ENDOV: variants seen among roughly 807,000 people sequenced by gnomAD.
The protein encoded by ENDOV is endonuclease V.
Under a neutral mutation model 39.4 loss-of-function variants are expected in ENDOV, and 37 were observed. The ratio of observed to expected loss-of-function variants is 0.94; its 90% CI spans 0.72 to 1.23. The LOEUF (loss-of-function observed/expected upper bound fraction) is 1.23. Among genes scored for constraint, ENDOV ranks in the 50% most tolerant of loss-of-function variants. The probability of loss-of-function intolerance (pLI) is 0.00; values close to 1 mark genes in which losing one functional copy is unlikely to be tolerated. For missense variants in ENDOV, 441 were observed against 375.7 expected, an observed-to-expected ratio of 1.17 and a Z score of -1.44; for synonymous variants, 186 against 163.4, an observed-to-expected ratio of 1.14 and a Z score of -1.05.
At chr17:80,429,912 G>A (rs1308470324) in intron 9 of ENDOV, 81 bp downstream of exon 9, 2 of 1,609,248 alleles carry the variant, frequency 1.2e-6, no homozygotes, top group Admixed American at 1.7e-5. Flanking sequence ...GGCGGGCAAG[G>A]ACTGGCAGTA....
At chr17:80,424,601 G>T (rs2082457373) in intron 5 of ENDOV, among the ~76,000 whole-genome samples, 1 of 152,114 alleles carries the variant, frequency 6.6e-6, no homozygotes. Flanking sequence ...TGCCTGGGCT[G>T]TGGCTCACCT....
chr17:80,424,139 G>A (rs1379769531), intron 5 of ENDOV: 1 of 399,002 alleles, frequency 2.5e-6, no homozygotes, highest in Admixed American at 4.4e-5. Flanking sequence ...CACTGGGAGT[G>A]AGACACTCAC....
At chr17:80,424,898 T>C in intron 5 of ENDOV, 134 bp from the exon 6 acceptor site, 2 of 692,664 alleles carry the variant, frequency 2.9e-6, no homozygotes, top group Non-Finnish European at 4.9e-6. Flanking sequence ...GAGGTTGCAG[T>C]GAGCTGAGAT....
At chr17:80,429,749 TC>T in intron 8 of ENDOV, 23 bp from the exon 9 acceptor site, 3 of 1,589,956 alleles carry the variant, frequency 1.9e-6, no homozygotes, top group Non-Finnish European at 2.6e-6. Flanking sequence ...TCTGATGCTG[TC>T]CCTTTCTCAA....
intron 2 of ENDOV, among the ~76,000 whole-genome samples, chr17:80,421,518 C>T (rs988744494): frequency 1.9e-3 from 128 of 68,852 alleles, no homozygotes; most frequent in African/African-American, 7.0e-3. Context: ...GACCAGGTCC[C>T]GGTGGGGGCG....
intron 3 of ENDOV, 54 bp from the exon 4 acceptor site, chr17:80,422,152 C>A: frequency 1.9e-6 from 3 of 1,609,594 alleles, no homozygotes; most frequent in Non-Finnish European, 2.5e-6. Context: ...ATGGCCCTGT[C>A]CTGAGGGCCG....
chr17:80,436,459 T>G lies in ENDOV; in HGVS notation c.*316T>G. The G allele has an allele frequency of 9.8e-7, 1 of 1,023,914 alleles. No individual in the cohort carries two copies. The highest frequency in any genetic ancestry group is 1.7e-5 in the African/African-American group (1 of 60,464). 63.4% of individuals were successfully genotyped at this position (1,023,914 alleles called of 1,614,324 possible). A position where few individuals can be genotyped will look rare whatever the true frequency, so the allele number is the denominator to read the frequency against. On this transcript the variant is annotated 3_prime_UTR_variant, in exon 10 of 10. Transcript: ENST00000518137. ...TGAAGACGGTCCCTTCTAGTCCTAA[T>G]TTGTTAAGTGTTTTTATCCTTAAAG...
intron 9 of ENDOV, chr17:80,430,289 C>T (rs1025645362): frequency 2.9e-5 from 44 of 1,501,998 alleles, no homozygotes; most frequent in Non-Finnish European, 3.7e-5. Context: ...ACGACCCCTG[C>T]AGCCTGTGCT....
At chr17:80,421,162 ATCCTCCTATGGACCAGGTCCCGGAGGC>A (rs1359051325) in intron 2 of ENDOV, among the ~76,000 whole-genome samples, 5 of 151,488 alleles carry the variant, frequency 3.3e-5, no homozygotes, top group Non-Finnish European at 7.4e-5. Context: ...ATCCCAGGGA[ATCCTCCTATGGACCAGGTCCCGGAGGC>A]TCCTCCTATG....
At chr17:80,419,042 G>A (rs538953844) in intron 2 of ENDOV, among the ~76,000 whole-genome samples, 3 of 151,898 alleles carry the variant, frequency 2.0e-5, no homozygotes, top group Non-Finnish European at 2.9e-5. Flanking sequence ...GCATGGTGGC[G>A]GGCACCTGTA....
At chr17:80,434,916 A>G (rs1041574937) in intron 9 of ENDOV, among the ~76,000 whole-genome samples, 3 of 152,216 alleles carry the variant, frequency 2.0e-5, no homozygotes, top group African/African-American at 7.2e-5. Flanking sequence ...ACTGCATTCC[A>G]GCCTGGGTGA....
At chr17:80,431,389 T>G (rs1474440962) in intron 9 of ENDOV, among the ~76,000 whole-genome samples, 8 of 152,148 alleles carry the variant, frequency 5.3e-5, no homozygotes. Flanking sequence ...CCTTCCTTGA[T>G]GGAGCAGACT....
chr17:80,428,017 G>T lies in ENDOV; in HGVS notation c.715-579G>T, dbSNP rs369806541. On this transcript the variant is annotated intron_variant, in intron 7 of 9. Transcript: ENST00000518137. ...GACTTCCCAGGGCCAGACCCCCCAT[G>T]CCCCCGGGGGTTCCCACTCAGACCT... Among the ~76,000 whole-genome samples the T allele has an allele frequency of 2.6e-5, 4 of 152,224 alleles. No individual in the cohort carries two copies. The South Asian group carries it at 8.3e-4, about 32-fold the overall frequency.
chr17:80,427,620 T>C (rs2082874105), intron 7 of ENDOV: 12 of 1,168,444 alleles, frequency 1.0e-5, no homozygotes, highest in Non-Finnish European at 1.3e-5. Context: ...CAGGGCTGGC[T>C]CTGTCTCTCG....
intron 6 of ENDOV, 89 bp from the exon 7 acceptor site, chr17:80,425,403 A>AT: frequency 6.6e-7 from 1 of 1,504,512 alleles, no homozygotes; most frequent in South Asian, 1.2e-5. Context: ...CCCCCAGGAC[A>AT]TTTTGTCAGA....
At chr17:80,417,709 C>T (rs2144814605) in intron 2 of ENDOV, 1 of 152,362 alleles carries the variant, frequency 6.6e-6, no homozygotes, top group Admixed American at 6.5e-5. Context: ...TAGCAACCCT[C>T]TGCTTCCTCT....
chr17:80,415,927 G>A, intron 2 of ENDOV, 106 bp downstream of exon 2: 2 of 1,404,408 alleles, frequency 1.4e-6, no homozygotes, highest in South Asian at 2.7e-5. Context: ...TTCTCGTTTT[G>A]TAGGATGTCA....
At chr17:80,430,637 G>A (rs1019642254) in intron 9 of ENDOV, among the ~76,000 whole-genome samples, 2 of 152,250 alleles carry the variant, frequency 1.3e-5, no homozygotes, top group African/African-American at 2.4e-5. Context: ...GGAGGGGGCC[G>A]AGGACGGGGG....
rs1203669623 is a variant in ENDOV at position 80,425,565 on chromosome 17, C to T, written c.659C>T (p.Ala220Val). The T allele has an allele frequency of 6.3e-7, 1 of 1,592,586 alleles. No individual in the cohort carries two copies. Among genetic ancestry groups the T allele is most frequent in the Admixed American group, 1.7e-5 (1 of 58,084 alleles). Residue 220 changes from alanine to valine, a missense_variant, in exon 7 of 10, where the codon GCT becomes GTT. By Grantham distance (64) the Ala-to-Val change is moderately conservative. Transcript: ENST00000518137. ...GGCCACAGGATGAGCCTGGAGGCCG[C>T]TGTGCGCCTGACTTGCTGCTGCTGC... ...SVGHRMSLEA[A>V]VRLTCCCCRF...
Sources: allele counts gnomAD v4.1 joint callset (sites outside exome capture counted in the v4.1 genomes callset), GRCh38; gene constraint gnomAD v4.1.1; transcripts MANE v1.5; gene names NCBI Gene and HGNC (gene_info 2026-07-23, HGNC 2026-07-21).